Variants in DACT3 observed in about 807,000 individuals in gnomAD.
The protein encoded by DACT3 is dishevelled binding antagonist of beta catenin 3, also known as dapper homolog 3.
Under a neutral mutation model 19.6 loss-of-function variants are expected in DACT3, and 5 were observed. That is an observed-to-expected ratio of 0.26 (90% CI 0.13 to 0.54). The LOEUF is 0.54. Ranked by LOEUF, DACT3 falls within the 20% of genes least tolerant of loss-of-function variation. The probability of loss-of-function intolerance (pLI) is 0.95; values close to 1 mark genes in which losing one functional copy is unlikely to be tolerated. For missense variants in DACT3, 908 were observed against 927.4 expected, an observed-to-expected ratio of 0.98 and a Z score of 0.27; for synonymous variants, 454 against 428.1, an observed-to-expected ratio of 1.06 and a Z score of -0.75.
Position 46,649,416 on chromosome 19 carries a change from G to C in DACT3, c.956C>G (p.Ala319Gly). Residue 319 changes from alanine to glycine, a missense_variant, in exon 4 of 4, where the codon GCC (alanine) becomes GGC (glycine). Ala to Gly is a moderately conservative substitution (Grantham distance 60, BLOSUM62 0). Around this residue, in one of 2 missense-constraint regions of DACT3, gnomAD observed 656 missense variants for 601.8 expected, o/e 1.09. Transcript: ENST00000391916. The stretch of plus-strand genomic sequence containing the variant: ...CGACGACGCCCAGGCGCGGCTCAAG[G>C]CGGCAGGGCTGGTGGGGTGGCCCCC... ...RVGGHPTSPA[A>G]LSRAWASSWE... 7.8e-7 allele frequency: 1 copy of C among 1,280,898 alleles called. No homozygotes were observed. The highest frequency in any genetic ancestry group is 1.0e-6 in the Non-Finnish European group (1 of 1,003,870). 79.3% of individuals were successfully genotyped at this position (1,280,898 alleles called of 1,614,324 possible).
chr19:46,652,775 A>C lies in DACT3; in HGVS notation c.384T>G (p.Asp128Glu). ...CCCCACAGAAGGTTGAGGGTGGTGAATCTGGACCTCCTGTAGAGCTGGGAT... is the reference window on the plus strand; with the variant it reads ...CCCCACAGAAGGTTGAGGGTGGTGACTCTGGACCTCCTGTAGAGCTGGGAT... Reference protein sequence around the residue: ...YEDPSSTGGPDSPPSTFCGDS... With the variant: ...YEDPSSTGGPESPPSTFCGDS... Residue 128 changes from aspartate to glutamate, a missense_variant, in exon 3 of 4, where the codon GAT (aspartate) becomes GAG (glutamate). Physicochemically the swap from Asp to Glu is conservative, Grantham distance 45. This residue lies in a region of DACT3 where 252 missense variants were observed against 325.6 expected (regional missense o/e 0.77). Transcript: ENST00000391916. 1 of 1,551,624 alleles carries C rather than the reference A, an allele frequency of 6.4e-7. No homozygotes were observed. The highest frequency in any genetic ancestry group is 8.7e-7 in the Non-Finnish European group (1 of 1,146,966).
Position 46,649,640 on chromosome 19 carries a change from G to A in DACT3, c.732C>T (p.Gly244=), listed in dbSNP as rs1484520170. ...TGTAGCCGTCCAGGGGCCGCCCTGC[G>A]CCCCCCGCGTCGGGCGAGTCGGTGG... ...RPPTDSPDAG[G]AGRPLDGYIS... is the part of the protein sequence containing the mutation. The change falls in exon 4 of 4, where the codon GGC becomes GGT. Residue 244 remains glycine (G), a synonymous_variant. Coordinates refer to ENST00000391916, the MANE Select transcript of DACT3 (RefSeq NM_145056.3). 6 of 1,144,194 alleles carry A rather than the reference G, an allele frequency of 5.2e-6. No individual in the cohort carries two copies. Among genetic ancestry groups the A allele is most frequent in the Non-Finnish European group, 6.4e-6 (6 of 933,908 alleles). The allele number at this position is 1,144,194 out of a possible 1,614,324, so 70.9% of individuals were successfully genotyped here.
At position 46,660,185 on chromosome 19, in the gene DACT3, A is replaced by T. The variant is rs941993072; in HGVS notation, c.249+631T>A. Among the ~76,000 whole-genome samples, 1 of 152,144 alleles carries T rather than the reference A, an allele frequency of 6.6e-6. No homozygotes were observed. Among genetic ancestry groups the T allele is most frequent in the Non-Finnish European group, 1.5e-5 (1 of 67,998 alleles). On this transcript the variant is annotated intron_variant, in intron 1 of 3. Coordinates refer to ENST00000391916, the MANE Select transcript of DACT3 (RefSeq NM_145056.3). The surrounding 1 kb of genome is among the most constrained non-coding windows in gnomAD (Gnocchi z 4.9). ...TCAAGGAGAGCTGGGGCCAGGTAGGAAGCAGGGGAAGTGTCACCAAAGGGT... is the reference window on the plus strand; with the variant it reads ...TCAAGGAGAGCTGGGGCCAGGTAGGTAGCAGGGGAAGTGTCACCAAAGGGT...
rs902572165 is a variant in DACT3, at chr19:46,661,155, C to T, written c.-91G>A. 5 of 1,271,990 alleles carry T rather than the reference C, an allele frequency of 3.9e-6. No individual in the cohort carries two copies. The highest frequency in any genetic ancestry group is 5.7e-4 in the Middle Eastern group (2 of 3,490). The allele number at this position is 1,271,990 out of a possible 1,614,324, so 78.8% of individuals were successfully genotyped here. A position where few individuals can be genotyped will look rare whatever the true frequency, so the allele number is the denominator to read the frequency against. On this transcript the variant is annotated 5_prime_UTR_variant, in exon 1 of 4. Coordinates refer to ENST00000391916, the MANE Select transcript of DACT3 (RefSeq NM_145056.3). The stretch of plus-strand genomic sequence containing the variant: ...CGCCCCAGCAGCCTGCCCGCCCGCC[C>T]GCTGGCCGGGCTGTCACCGTCTCAT...
chr19:46,651,795 G>A, intron 3 of DACT3: 1 of 152,106 alleles, frequency 6.6e-6, no homozygotes, highest in South Asian at 2.1e-4. Flanking sequence ...TGCCTCCCAG[G>A]TTCAAGCAAT....
Position 46,647,679 on chromosome 19 carries a change from C to T in DACT3, c.*803G>A, listed in dbSNP as rs556897497. On this transcript the variant is annotated 3_prime_UTR_variant, in exon 4 of 4. Coordinates refer to ENST00000391916, the MANE Select transcript of DACT3 (RefSeq NM_145056.3). ...ACACAGAATCTGGCCCCCCTTTGCA[C>T]TGGGGAGTCACCATCGTCATAATAA... 6.6e-6 allele frequency: 1 copy of T among 152,642 alleles called. No individual in the cohort carries two copies. The highest frequency in any genetic ancestry group is 6.5e-5 in the Admixed American group (1 of 15,276). 9.5% of individuals were successfully genotyped at this position (152,642 alleles called of 1,614,324 possible). A position where few individuals can be genotyped will look rare whatever the true frequency, so the allele number is the denominator to read the frequency against.
chr19:46,655,095 T>A, intron 1 of DACT3: 1 of 976,638 alleles, frequency 1.0e-6, no homozygotes, highest in Non-Finnish European at 1.2e-6. Context: ...ACTGGCATGC[T>A]CACTCCCCTC....
chr19:46,654,255 G>C (rs2053014706), intron 1 of DACT3: 1 of 964,824 alleles, frequency 1.0e-6, no homozygotes. Context: ...GGGAGGCCGA[G>C]GCGGGCGGAT....
rs2053024675 is a variant in DACT3 at position 46,655,319 on chromosome 19, A to AT, written c.250-2245dup. 2.0e-5 allele frequency among the ~76,000 whole-genome samples: 3 copies of AT among 152,222 alleles called. 1 individual carries two copies. The South Asian group carries it at 6.2e-4, about 32-fold the overall frequency. On this transcript the variant is annotated intron_variant, in intron 1 of 3. Coordinates refer to ENST00000391916, the MANE Select transcript of DACT3 (RefSeq NM_145056.3). ...ATCAGTAATGACCTCTTGATTTAAA[A>AT]TTATACATCAGGCCAGGCTCGGTGG...
At position 46,649,149 on chromosome 19, in the gene DACT3, T is replaced by G; in HGVS notation, c.1223A>C (p.Glu408Ala). 1 of 1,253,478 alleles carries G rather than the reference T, an allele frequency of 8.0e-7. No homozygotes were observed. The highest frequency in any genetic ancestry group is 1.0e-6 in the Non-Finnish European group (1 of 1,000,864). The allele number at this position is 1,253,478 out of a possible 1,614,324, so 77.6% of individuals were successfully genotyped here. A position where few individuals can be genotyped will look rare whatever the true frequency, so the allele number is the denominator to read the frequency against. The change falls in exon 4 of 4, where the codon GAG (glutamate) becomes GCG (alanine). Residue 408 changes from glutamate to alanine, a missense_variant. This residue lies in a region of DACT3 where 656 missense variants were observed against 601.8 expected (regional missense o/e 1.09). Coordinates refer to ENST00000391916, the MANE Select transcript of DACT3 (RefSeq NM_145056.3). ...RAAGRRGRMA[E>A]ASGRRGSPRA... ...GGGCGAGCCGCGGCGGCCCGAAGCCTCGGCCATGCGTCCACGGCGGCCGGC... is the reference window on the plus strand; with the variant it reads ...GGGCGAGCCGCGGCGGCCCGAAGCCGCGGCCATGCGTCCACGGCGGCCGGC...
At position 46,660,675 on chromosome 19, in the gene DACT3, C is replaced by T; in HGVS notation, c.249+141G>A. On this transcript the variant is annotated intron_variant, in intron 1 of 3. Coordinates refer to ENST00000391916, the MANE Select transcript of DACT3 (RefSeq NM_145056.3). This position sits in a 1 kb window ranked among gnomAD's most constrained non-coding sequence, Gnocchi z 4.9. ...CAGGTCCGGCCCGCCGCCGGAACTC[C>T]GGGGTCGCCAGCCCCACCCCCTGTC... 3 of 1,371,726 alleles carry T rather than the reference C, an allele frequency of 2.2e-6. No individual in the cohort carries two copies. The highest frequency in any genetic ancestry group is 2.8e-6 in the Non-Finnish European group (3 of 1,065,560). The allele number at this position is 1,371,726 out of a possible 1,614,324, so 85.0% of individuals were successfully genotyped here.
In DACT3 at chr19:46,648,310, G is replaced by T. The variant is rs1053951121; in HGVS notation, c.*172C>A. The T allele has an allele frequency of 8.4e-5, 94 of 1,117,398 alleles. No homozygotes were observed. The highest frequency in any genetic ancestry group is 1.1e-4 in the Non-Finnish European group (89 of 785,662). 69.2% of individuals were successfully genotyped at this position (1,117,398 alleles called of 1,614,324 possible). A position where few individuals can be genotyped will look rare whatever the true frequency, so the allele number is the denominator to read the frequency against. On this transcript the variant is annotated 3_prime_UTR_variant, in exon 4 of 4. Transcript: ENST00000391916. This position sits in a 1 kb window ranked among gnomAD's most constrained non-coding sequence, Gnocchi z 5.1. The stretch of plus-strand genomic sequence containing the variant: ...AACAGGGCTCCTCCCCATTCCTCTC[G>T]GTGGTGGTGGGGGAGCCTTTTCAAC...
intron 1 of DACT3, chr19:46,655,165 A>G: frequency 1.7e-6 from 1 of 577,882 alleles, no homozygotes; most frequent in Non-Finnish European, 2.2e-6. Flanking sequence ...CTACCTCGGG[A>G]GAATGTTTCC....
chr19:46,648,768 C>G lies in DACT3; in HGVS notation c.1604G>C (p.Arg535Pro), dbSNP rs780113189. ...SAGRLGPLGR[R>P]GPAGGVGGGY... Reference sequence around the variant, plus strand: ...CCCGCCGACGCCTCCCGCAGGCCCCCGGCGTCCCAGGGGCCCCAGGCGCCC... The same window carrying G: ...CCCGCCGACGCCTCCCGCAGGCCCCGGGCGTCCCAGGGGCCCCAGGCGCCC... Residue 535 changes from arginine to proline, a missense_variant, in exon 4 of 4, where the codon CGG becomes CCG. By Grantham distance (103) the Arg-to-Pro change is moderately radical. This residue lies in a region of DACT3 where 656 missense variants were observed against 601.8 expected (regional missense o/e 1.09). Transcript: ENST00000391916. The surrounding 1 kb of genome is among the most constrained non-coding windows in gnomAD (Gnocchi z 5.1). 6.4e-7 allele frequency: 1 copy of G among 1,560,230 alleles called. No homozygotes were observed. The highest frequency in any genetic ancestry group is 1.1e-5 in the South Asian group (1 of 88,156).
Position 46,649,551 on chromosome 19 carries a change from C to A in DACT3, c.821G>T (p.Gly274Val). 1 of 1,049,236 alleles carries A rather than the reference C, an allele frequency of 9.5e-7. No homozygotes were observed. Among genetic ancestry groups the A allele is most frequent in the Non-Finnish European group, 1.1e-6 (1 of 873,758 alleles). 65.0% of individuals were successfully genotyped at this position (1,049,236 alleles called of 1,614,324 possible). The stretch of plus-strand genomic sequence containing the variant: ...CTGGCGCCGCGGGCCGCCGTCCGCG[C>A]CCCCGGGACTGGTCCGGGGCTGGCC... ...GAGQPRTSPG[G>V]ADGGPRRQNS... Residue 274 changes from glycine (G) to valine (V), a missense_variant, in exon 4 of 4, where the codon GGC (glycine) becomes GTC (valine). Around this residue, in one of 2 missense-constraint regions of DACT3, gnomAD observed 656 missense variants for 601.8 expected, o/e 1.09. Coordinates refer to ENST00000391916, the MANE Select transcript of DACT3 (RefSeq NM_145056.3).
Position 46,661,032 on chromosome 19 carries a change from A to C in DACT3, c.33T>G (p.Pro11=). Reference sequence around the variant, plus strand: ...GCCAGCCCCGCAGCCGGCCCCGCTCAGGGCTCACCGGGAACGAGAAGGCCC... The same window carrying C: ...GCCAGCCCCGCAGCCGGCCCCGCTCCGGGCTCACCGGGAACGAGAAGGCCC... MIRAFSFPVS[P]ERGRLRGWLE... is the part of the protein sequence containing the mutation. The change falls in exon 1 of 4, where the codon CCT becomes CCG. Residue 11 remains proline (P), a synonymous_variant. Transcript: ENST00000391916. The C allele has an allele frequency of 6.6e-7, 1 of 1,520,004 alleles. No individual in the cohort carries two copies. The allele number at this position is 1,520,004 out of a possible 1,614,324, so 94.2% of individuals were successfully genotyped here.
chr19:46,653,469 G>C (rs1171297242), intron 1 of DACT3, among the ~76,000 whole-genome samples: 1 of 151,908 alleles, frequency 6.6e-6, no homozygotes, highest in Non-Finnish European at 1.5e-5. Context: ...ACTGCTAAAA[G>C]GTGGTGTCCA....
In DACT3 at chr19:46,649,841, C is replaced by A; in HGVS notation, c.531G>T (p.Val177=). 1 of 1,423,218 alleles carries A rather than the reference C, an allele frequency of 7.0e-7. No homozygotes were observed. Among genetic ancestry groups the A allele is most frequent in the Admixed American group, 3.1e-5 (1 of 32,008 alleles). The allele number at this position is 1,423,218 out of a possible 1,614,324, so 88.2% of individuals were successfully genotyped here. A position where few individuals can be genotyped will look rare whatever the true frequency, so the allele number is the denominator to read the frequency against. ...ACCGCGGCACCGCTGCCCGCGCGCC[C>A]ACCACCTCCGGAGCGCTGGGACTGG... is the stretch of plus-strand genomic sequence containing the variant. ...GDASPSAPEV[V]GARAAVPRSF... is the part of the protein sequence containing the mutation. Residue 177 remains valine (V), a synonymous_variant, in exon 4 of 4, where the codon GTG becomes GTT. Coordinates refer to ENST00000391916, the MANE Select transcript of DACT3 (RefSeq NM_145056.3).
intron 1 of DACT3, among the ~76,000 whole-genome samples, chr19:46,658,250 C>T (rs2053046906): frequency 6.6e-6 from 1 of 150,404 alleles, no homozygotes; most frequent in African/African-American, 2.5e-5. Flanking sequence ...AAAAAATTAG[C>T]CAAATGTGGC....
Sources: allele counts gnomAD v4.1 joint callset (sites outside exome capture counted in the v4.1 genomes callset), GRCh38; gene constraint gnomAD v4.1.1; regional missense constraint gnomAD v4.1.1; non-coding constraint Gnocchi (gnomAD v3.1); transcripts MANE v1.5; gene names NCBI Gene and HGNC (gene_info 2026-07-23, HGNC 2026-07-21).